Variants in ASIC2 observed in about 807,000 individuals in gnomAD.
The protein encoded by ASIC2 is acid sensing ion channel subunit 2, also known as acid-sensing ion channel 2.
In ASIC2, 25 loss-of-function variants were observed where a neutral mutation model predicts 57.3. The observed-to-expected ratio is 0.44, with a 90% CI of 0.32 to 0.61. The LOEUF is 0.61. Among genes scored for constraint, ASIC2 ranks in the 20% least tolerant of loss-of-function variants. ASIC2 has a pLI of 0.06. For missense variants in ASIC2, 641 were observed against 738.1 expected (o/e 0.87, Z 1.52); for synonymous variants, 319 against 307.5 (o/e 1.04, Z -0.39).
At chr17:33,155,718 C>T (rs1035806782) in intron 1 of ASIC2, among the ~76,000 whole-genome samples, 1 of 151,938 alleles carries the variant, frequency 6.6e-6, no homozygotes, top group East Asian at 1.9e-4. Context: ...TGCTACCACA[C>T]CCAGCTAATT....
intron 1 of ASIC2, among the ~76,000 whole-genome samples, chr17:33,921,343 C>A (rs1915704895): frequency 6.6e-6 from 1 of 152,108 alleles, no homozygotes; most frequent in African/African-American, 2.4e-5. Flanking sequence ...TACCATGATA[C>A]CTGTTATTTA....
chr17:33,320,207 T>A (rs1221941030), intron 1 of ASIC2, among the ~76,000 whole-genome samples: 1 of 152,232 alleles, frequency 6.6e-6, no homozygotes, highest in Non-Finnish European at 1.5e-5. Flanking sequence ...TCCTCCCTTC[T>A]AAGAGGGCTC....
intron 3 of ASIC2, 69 bp from the exon 4 acceptor site, chr17:33,028,461 C>T: frequency 6.4e-7 from 1 of 1,566,180 alleles, no homozygotes; most frequent in African/African-American, 1.4e-5. Flanking sequence ...TTTACTTACT[C>T]AATCAACAAA....
At chr17:33,383,028 A>AGAACAAACAAAC (rs146308645) in intron 1 of ASIC2, among the ~76,000 whole-genome samples, 5 of 150,658 alleles carry the variant, frequency 3.3e-5, no homozygotes, top group Non-Finnish European at 5.9e-5. Context: ...GGGAATATAA[A>AGAACAAACAAAC]AAACAAACAA....
At chr17:34,100,176 T>A (rs1357144838) in intron 1 of ASIC2, among the ~76,000 whole-genome samples, 1 of 100,690 alleles carries the variant, frequency 9.9e-6, no homozygotes, top group Non-Finnish European at 1.9e-5. Flanking sequence ...ATTCTTCCTC[T>A]CTTTCTTGTT....
At chr17:33,391,633 C>T (rs1027466368) in intron 1 of ASIC2, among the ~76,000 whole-genome samples, 1 of 152,106 alleles carries the variant, frequency 6.6e-6, no homozygotes, top group Non-Finnish European at 1.5e-5. Context: ...GCACTCAATT[C>T]CCCCAATATC....
At chr17:33,783,622 C>T (rs757356153) in intron 1 of ASIC2, among the ~76,000 whole-genome samples, 31 of 152,228 alleles carry the variant, frequency 2.0e-4, no homozygotes, top group Non-Finnish European at 3.5e-4. Flanking sequence ...CCCATCCCTA[C>T]CTTAATCAGA....
chr17:33,894,739 G>A (rs1915050690), intron 1 of ASIC2, among the ~76,000 whole-genome samples: 1 of 152,156 alleles, frequency 6.6e-6, no homozygotes, highest in South Asian at 2.1e-4. Context: ...ACACCTTATT[G>A]ATGTGTTTTC....
intron 1 of ASIC2, among the ~76,000 whole-genome samples, chr17:33,897,150 G>A (rs1000181988): frequency 7.9e-5 from 12 of 152,176 alleles, no homozygotes; most frequent in African/African-American, 2.9e-4. Context: ...TGGTCAGTAG[G>A]AAGACTTTGA....
intron 1 of ASIC2, among the ~76,000 whole-genome samples, chr17:34,048,488 T>C (rs1036566783): frequency 6.6e-6 from 1 of 152,236 alleles, no homozygotes; most frequent in Admixed American, 6.5e-5. Flanking sequence ...TTTTCAGCAC[T>C]GCTGCTGAAG....
rs575900558 is a variant in ASIC2, at chr17:33,692,796, G to T, written c.555+463182C>A. 3.3e-5 allele frequency among the ~76,000 whole-genome samples: 5 copies of T among 152,176 alleles called. No homozygotes were observed. In the East Asian group the frequency reaches 9.7e-4, roughly 29 times the overall value. On this transcript the variant is annotated intron_variant, in intron 1 of 9. Transcript: ENST00000359872. The stretch of plus-strand genomic sequence containing the variant: ...ATGAATAATGTGTTGCACTATGATG[G>T]TACAACAGCTATGACACCACTAGGC...
At chr17:33,851,670 A>G (rs1177995632) in intron 1 of ASIC2, among the ~76,000 whole-genome samples, 3 of 152,180 alleles carry the variant, frequency 2.0e-5, no homozygotes, top group Admixed American at 6.5e-5. Flanking sequence ...TATGCCTCGT[A>G]GGATATTTAG....
chr17:33,201,342 G>T (rs940406695), intron 1 of ASIC2, among the ~76,000 whole-genome samples: 3 of 152,150 alleles, frequency 2.0e-5, no homozygotes, highest in African/African-American at 4.8e-5. Context: ...AACTCCGGCA[G>T]CCCTCCAGTA....
intron 1 of ASIC2, among the ~76,000 whole-genome samples, chr17:33,458,345 A>G (rs1597734959): frequency 6.6e-6 from 1 of 152,210 alleles, no homozygotes; most frequent in African/African-American, 2.4e-5. Context: ...GCCTCATACT[A>G]CTTGTTTGGG....
intron 1 of ASIC2, among the ~76,000 whole-genome samples, chr17:33,122,733 T>A (rs190138600): frequency 4.9e-4 from 74 of 152,298 alleles, no homozygotes; most frequent in African/African-American, 1.7e-3. Context: ...TTAACTATAG[T>A]CACCATGCTG....
intron 1 of ASIC2, among the ~76,000 whole-genome samples, chr17:33,428,487 C>G (rs1201380027): frequency 6.6e-6 from 1 of 152,180 alleles, no homozygotes; most frequent in South Asian, 2.1e-4. Context: ...TGGGATAAGT[C>G]TAAAGCCTAG....
intron 1 of ASIC2, among the ~76,000 whole-genome samples, chr17:33,793,079 G>A (rs1233762625): frequency 2.6e-5 from 4 of 152,196 alleles, no homozygotes; most frequent in Non-Finnish European, 5.9e-5. Context: ...ATAACCCTGT[G>A]TGGAAAGAAT....
intron 3 of ASIC2, among the ~76,000 whole-genome samples, chr17:33,072,692 C>T (rs1175762954): frequency 2.0e-5 from 3 of 152,174 alleles, no homozygotes; most frequent in Admixed American, 1.3e-4. Context: ...GTATAGTGAT[C>T]TGCTCATGGC....
chr17:33,594,819 C>T (rs1452810067), intron 1 of ASIC2, among the ~76,000 whole-genome samples: 3 of 133,450 alleles, frequency 2.2e-5, no homozygotes, highest in Non-Finnish European at 4.9e-5. Flanking sequence ...CAGAGGGAGA[C>T]TCCATTTCAA....
Sources: allele counts gnomAD v4.1 joint callset (sites outside exome capture counted in the v4.1 genomes callset), GRCh38; gene constraint gnomAD v4.1.1; transcripts MANE v1.5; gene names NCBI Gene and HGNC (gene_info 2026-07-23, HGNC 2026-07-21).